ANKFN1: variants seen among roughly 807,000 people sequenced by gnomAD.
The protein encoded by ANKFN1 is ankyrin repeat and fibronectin type III domain containing 1, also known as ankyrin repeat and fibronectin type-III domain-containing protein 1.
In ANKFN1, 74 loss-of-function variants were observed where a neutral mutation model predicts 108.7. The observed-to-expected ratio is 0.68, with a 90% CI of 0.56 to 0.83. ANKFN1 has a LOEUF of 0.83. ANKFN1 is among the 40% of genes least tolerant of loss of function. The pLI is 0.00. For missense variants in ANKFN1, 1,505 were observed against 1,382.3 expected (o/e 1.09, Z -1.41); for synonymous variants, 547 against 516.2 (o/e 1.06, Z -0.81).
At chr17:56,240,281 A>G (rs544280987) in intron 3 of ANKFN1, among the ~76,000 whole-genome samples, 1 of 152,110 alleles carries the variant, frequency 6.6e-6, no homozygotes, top group Non-Finnish European at 1.5e-5. Context: ...TTAAGTTTTC[A>G]TAAATGATAC....
intron 2 of ANKFN1, among the ~76,000 whole-genome samples, chr17:56,213,076 T>G (rs1209439906): frequency 1.3e-5 from 2 of 152,148 alleles, no homozygotes; most frequent in African/African-American, 4.8e-5. Context: ...CCCCTCTTCT[T>G]CACTAAATGG....
At chr17:56,479,962 C>T (rs980396970) in intron 16 of ANKFN1, among the ~76,000 whole-genome samples, 48 of 152,240 alleles carry the variant, frequency 3.2e-4, no homozygotes, top group African/African-American at 1.1e-3. Context: ...GAAGAGCAGC[C>T]TTTGGGGGCA....
intron 4 of ANKFN1, among the ~76,000 whole-genome samples, chr17:56,138,968 T>G (rs990287325): frequency 2.6e-5 from 4 of 152,290 alleles, no homozygotes; most frequent in African/African-American, 4.8e-5. Context: ...AGTTTTAAGC[T>G]CTAAAATAAA....
chr17:56,354,374 G>A (rs1041785801), intron 6 of ANKFN1, among the ~76,000 whole-genome samples: 2 of 152,158 alleles, frequency 1.3e-5, no homozygotes, highest in Admixed American at 6.6e-5. Flanking sequence ...ATGAGCATTT[G>A]CGTGTTTCTG....
Position 56,511,294 on chromosome 17 carries a change from C to G in ANKFN1, c.*25C>G. 1.3e-6 allele frequency: 2 copies of G among 1,486,924 alleles called. No homozygotes were observed. Among genetic ancestry groups the G allele is most frequent in the Non-Finnish European group, 1.8e-6 (2 of 1,119,168 alleles). 92.1% of individuals were successfully genotyped at this position (1,486,924 alleles called of 1,614,324 possible). ...GGGAGGCCCATCCCGGCTGTCCACC[C>G]CTCCATGGCTGCTACCTGCGTTTTA... On this transcript the variant is annotated 3_prime_UTR_variant, in exon 21 of 21. Transcript: ENST00000682825.
intron 4 of ANKFN1, among the ~76,000 whole-genome samples, chr17:56,338,718 A>G (rs936820903): frequency 6.6e-6 from 1 of 152,050 alleles, no homozygotes; most frequent in African/African-American, 2.4e-5. Flanking sequence ...TGGATGCTAT[A>G]GAGATTACAT....
At chr17:56,476,281 A>G (rs1391537630) in intron 15 of ANKFN1, among the ~76,000 whole-genome samples, 2 of 152,168 alleles carry the variant, frequency 1.3e-5, no homozygotes, top group Non-Finnish European at 2.9e-5. Flanking sequence ...AGTTTTACCT[A>G]CTGATGTGGA....
intron 2 of ANKFN1, among the ~76,000 whole-genome samples, chr17:56,221,686 A>C (rs543210858): frequency 6.6e-6 from 1 of 152,368 alleles, no homozygotes; most frequent in East Asian, 1.9e-4. Context: ...CATTCTGCAG[A>C]TGTGACAAAG....
intron 4 of ANKFN1, among the ~76,000 whole-genome samples, chr17:56,346,054 T>G (rs913077336): frequency 6.6e-6 from 1 of 152,122 alleles, no homozygotes; most frequent in Admixed American, 6.6e-5. Context: ...CCATCTTGAG[T>G]TAATTTTTGT....
At chr17:56,116,103 A>G (rs1906250953) in intron 4 of ANKFN1, among the ~76,000 whole-genome samples, 1 of 152,124 alleles carries the variant, frequency 6.6e-6, no homozygotes, top group Non-Finnish European at 1.5e-5. Flanking sequence ...TTTCCCAGCC[A>G]TGTCCCCAGG....
intron 8 of ANKFN1, among the ~76,000 whole-genome samples, chr17:56,438,997 G>A (rs542586527): frequency 3.3e-5 from 5 of 152,160 alleles, no homozygotes; most frequent in Non-Finnish European, 7.4e-5. Flanking sequence ...ACCAAAACCG[G>A]GGGAGGGGAA....
Position 56,498,908 on chromosome 17 carries a change from G to A in ANKFN1, c.2454G>A (p.Met818Ile). 1 of 1,535,642 alleles carries A rather than the reference G, an allele frequency of 6.5e-7. No homozygotes were observed. Among genetic ancestry groups the A allele is most frequent in the Non-Finnish European group, 8.7e-7 (1 of 1,146,556 alleles). Residue 818 changes from methionine (M) to isoleucine (I), a missense_variant, in exon 20 of 21, where the codon ATG (methionine) becomes ATA (isoleucine). Met to Ile is a conservative substitution (Grantham distance 10, BLOSUM62 1). Coordinates refer to ENST00000682825, the MANE Select transcript of ANKFN1 (RefSeq NM_001370326.1). The part of the protein sequence containing the change: ...IQQIDEVWRE[M>I]RWIMDALQYA... ...AAATAGATGAAGTCTGGCGTGAAAT[G>A]AGATGGATCATGGATGCTCTACAGT...
intron 3 of ANKFN1, among the ~76,000 whole-genome samples, chr17:56,280,006 G>GTTTTTTTTTTTTTTTTTTTTTTTTT (rs2044030329): frequency 1.4e-5 from 2 of 138,328 alleles, no homozygotes; most frequent in African/African-American, 6.1e-5. Context: ...GCCACATAAT[G>GTTTTTTTTTTTTTTTTTTTTTTTTT]TCTTTTTTTT....
At chr17:56,386,580 GTTT>G (rs57390170) in intron 8 of ANKFN1, among the ~76,000 whole-genome samples, 54,064 of 109,766 alleles carry the variant, frequency 0.49, 11,466 homozygotes, top group East Asian at 0.79. Context: ...CATCTCATGA[GTTT>G]TTTTTTTTTT....
At chr17:56,114,608 A>G (rs2143267327) in intron 4 of ANKFN1, among the ~76,000 whole-genome samples, 1 of 152,192 alleles carries the variant, frequency 6.6e-6, no homozygotes, top group East Asian at 1.9e-4. Context: ...AGCACTTTGG[A>G]CAGCTCTTGG....
intron 8 of ANKFN1, among the ~76,000 whole-genome samples, chr17:56,375,421 G>A (rs909896452): frequency 2.0e-5 from 3 of 152,142 alleles, no homozygotes; most frequent in African/African-American, 7.2e-5. Context: ...GTCGTGAGAA[G>A]GTACAGTAAG....
At chr17:56,300,421 T>G (rs551234717) in intron 3 of ANKFN1, among the ~76,000 whole-genome samples, 3 of 152,264 alleles carry the variant, frequency 2.0e-5, no homozygotes, top group African/African-American at 7.2e-5. Flanking sequence ...CCCCCCTTAA[T>G]TTTTAAGCCC....
At chr17:56,509,807 T>C (rs1567716087) in intron 20 of ANKFN1, among the ~76,000 whole-genome samples, 1 of 152,222 alleles carries the variant, frequency 6.6e-6, no homozygotes, top group Non-Finnish European at 1.5e-5. Context: ...ACTGACTCCC[T>C]AACAAATCAG....
chr17:56,336,085 A>C (rs2045801197), intron 4 of ANKFN1, among the ~76,000 whole-genome samples: 1 of 152,182 alleles, frequency 6.6e-6, no homozygotes, highest in African/African-American at 2.4e-5. Flanking sequence ...TTGATGGATA[A>C]GCTTTTTGAT....
Sources: gnomAD v4.1 joint callset for allele counts (sites outside exome capture counted in the v4.1 genomes callset) on GRCh38, gnomAD v4.1.1 for gene constraint, MANE v1.5 for transcripts, NCBI Gene and HGNC (gene_info 2026-07-23, HGNC 2026-07-21) for gene names.